STRN: variants seen among roughly 807,000 people sequenced by gnomAD.
STRN encodes protein phosphatase 2 regulatory subunit B'''alpha.
STRN carries 53 observed loss-of-function variants against 96.3 expected under a neutral mutation model. That is an observed-to-expected ratio of 0.55 (90% CI 0.44 to 0.69). STRN has a LOEUF of 0.69. STRN is among the 30% of genes least tolerant of loss of function. STRN has a pLI of 0.00. For synonymous variants in STRN, 428 were observed against 355.9 expected (o/e 1.20, Z -2.28); for missense variants, 987 against 963.9 (o/e 1.02, Z -0.32).
chr2:36,952,063 A>G (rs562973051), intron 1 of STRN, among the ~76,000 whole-genome samples: 1 of 152,382 alleles, frequency 6.6e-6, no homozygotes, highest in East Asian at 1.9e-4. Context: ...ACGCACACAC[A>G]CACACAATTG....
intron 3 of STRN, among the ~76,000 whole-genome samples, chr2:36,906,261 T>G (rs1157161488): frequency 6.6e-6 from 1 of 152,042 alleles, no homozygotes; most frequent in Non-Finnish European, 1.5e-5. Context: ...CCCAGGAGTT[T>G]GAGACCAGCC....
At position 36,847,933 on chromosome 2, in the gene STRN, G is replaced by A. The variant is rs1339702674; in HGVS notation, c.*1523C>T. Reference sequence around the variant, plus strand: ...TTAAAATCTAAGAGCCTATTTATATGTTTTTTGGTGGAAAGTTGGACGTTA... The same window carrying A: ...TTAAAATCTAAGAGCCTATTTATATATTTTTTGGTGGAAAGTTGGACGTTA... On this transcript the variant is annotated 3_prime_UTR_variant, in exon 18 of 18. Coordinates refer to ENST00000263918, the MANE Select transcript of STRN (RefSeq NM_003162.4). 1 of 152,138 alleles carries A rather than the reference G, an allele frequency of 6.6e-6. No individual in the cohort carries two copies. The highest frequency in any genetic ancestry group is 1.5e-5 in the Non-Finnish European group (1 of 68,016). 9.4% of individuals were successfully genotyped at this position (152,138 alleles called of 1,614,324 possible). A position where few individuals can be genotyped will look rare whatever the true frequency, so the allele number is the denominator to read the frequency against.
intron 2 of STRN, among the ~76,000 whole-genome samples, chr2:36,920,577 G>A (rs548025506): frequency 5.5e-4 from 83 of 151,186 alleles, no homozygotes; most frequent in African/African-American, 1.8e-3. Context: ...GGTGCAGGTT[G>A]CAGTGAGCTG....
intron 1 of STRN, among the ~76,000 whole-genome samples, chr2:36,963,808 T>G (rs974322695): frequency 3.3e-5 from 5 of 151,844 alleles, no homozygotes; most frequent in Non-Finnish European, 7.4e-5. Context: ...AATACAAAAA[T>G]AAGCCAGGCA....
intron 12 of STRN, among the ~76,000 whole-genome samples, chr2:36,866,581 C>T (rs2691110): frequency 0.85 from 129,046 of 152,154 alleles, 56,897 homozygotes; most frequent in Non-Finnish European, 0.96. Context: ...AAGTTCAGGT[C>T]CCGAATATTT....
chr2:36,880,532 A>C (rs1281333859), intron 9 of STRN, among the ~76,000 whole-genome samples: 1 of 152,246 alleles, frequency 6.6e-6, no homozygotes, highest in Non-Finnish European at 1.5e-5. Context: ...ATAAATTAAG[A>C]CATTATCAAA....
rs1667864635 is a variant in STRN, at chr2:36,838,201, C to G, written c.*11255G>C. 1.3e-5 allele frequency among the ~76,000 whole-genome samples: 2 copies of G among 152,158 alleles called. No homozygotes were observed. On this transcript the variant is annotated 3_prime_UTR_variant, in exon 18 of 18. Transcript: ENST00000263918. ...AGGTGGAAGGGACCACGTGCAAGGACCACGGAGCAACCTCTAAAGGATCAG... is the reference window on the plus strand; with the variant it reads ...AGGTGGAAGGGACCACGTGCAAGGAGCACGGAGCAACCTCTAAAGGATCAG...
At chr2:36,863,097 C>T (rs1404545596) in intron 12 of STRN, among the ~76,000 whole-genome samples, 2 of 152,048 alleles carry the variant, frequency 1.3e-5, no homozygotes, top group African/African-American at 4.8e-5. Flanking sequence ...TCATAGTTTG[C>T]AAATATTTTC....
At chr2:36,952,540 C>T (rs943182802) in intron 1 of STRN, among the ~76,000 whole-genome samples, 2 of 151,946 alleles carry the variant, frequency 1.3e-5, no homozygotes, top group East Asian at 3.9e-4. Flanking sequence ...ATTATTTAAC[C>T]TTTCTTCCCA....
At chr2:36,935,614 G>A (rs1388177438) in intron 1 of STRN, among the ~76,000 whole-genome samples, 1 of 152,162 alleles carries the variant, frequency 6.6e-6, no homozygotes, top group African/African-American at 2.4e-5. Flanking sequence ...CCTACTAAGT[G>A]CTTCCCACTT....
intron 11 of STRN, among the ~76,000 whole-genome samples, chr2:36,868,676 A>C (rs1317774421): frequency 6.6e-6 from 1 of 152,222 alleles, no homozygotes; most frequent in Non-Finnish European, 1.5e-5. Flanking sequence ...TCTGAAGCAG[A>C]CTGATAAATC....
intron 9 of STRN, among the ~76,000 whole-genome samples, chr2:36,878,899 C>T (rs1318349644): frequency 6.6e-6 from 1 of 151,038 alleles, no homozygotes. Flanking sequence ...ATTACAGGTG[C>T]GTGCCACCAC....
chr2:36,861,167 G>C lies in STRN; in HGVS notation c.1634C>G (p.Thr545Ser), dbSNP rs768417249. The change falls in exon 13 of 18, where the codon ACC becomes AGC. Residue 545 changes from threonine to serine, a missense_variant. Transcript: ENST00000263918. ...ATAGGGGTCGATGTTGGGATTAGTG[G>C]TATTCCAGCCCTGGATCAGTCCATC... Reference protein sequence around the residue: ...GTDGLIQGWNTTNPNIDPYDS... With the variant: ...GTDGLIQGWNSTNPNIDPYDS... 7.4e-6 allele frequency: 12 copies of C among 1,613,744 alleles called. No individual in the cohort carries two copies. The highest frequency in any genetic ancestry group is 9.3e-6 in the Non-Finnish European group (11 of 1,179,978).
chr2:36,845,542 C>T lies in STRN; in HGVS notation c.*3914G>A, dbSNP rs908433845. 5.3e-5 allele frequency: 8 copies of T among 151,900 alleles called. No individual in the cohort carries two copies. The highest frequency in any genetic ancestry group is 1.5e-5 in the Non-Finnish European group (1 of 67,932). 9.4% of individuals were successfully genotyped at this position (151,900 alleles called of 1,614,324 possible). On this transcript the variant is annotated 3_prime_UTR_variant, in exon 18 of 18. Transcript: ENST00000263918. ...AAATATTTACTAGTTGAATCTTTAC[C>T]ACATAAGAACTTCATGACATGCTGT...
chr2:36,867,040 G>A (rs1027518174), intron 12 of STRN, among the ~76,000 whole-genome samples: 1 of 152,178 alleles, frequency 6.6e-6, no homozygotes, highest in Non-Finnish European at 1.5e-5. Context: ...GGTTAACACT[G>A]ATATGTGCCC....
chr2:36,912,636 A>G (rs1224683118), intron 3 of STRN, among the ~76,000 whole-genome samples: 2 of 152,096 alleles, frequency 1.3e-5, no homozygotes, highest in African/African-American at 4.8e-5. Flanking sequence ...CTTACCTCAC[A>G]TACAGCTCCT....
At position 36,878,030 on chromosome 2, in the gene STRN, G is replaced by A. The variant is rs762640613; in HGVS notation, c.1187-3C>T. 1.2e-6 allele frequency: 2 copies of A among 1,613,550 alleles called. No individual in the cohort carries two copies. Among genetic ancestry groups the A allele is most frequent in the South Asian group, 1.1e-5 (1 of 90,930 alleles). On this transcript the variant is annotated splice_polypyrimidine_tract_variant and splice_region_variant and intron_variant, in intron 9 of 17. Transcript: ENST00000263918. ...AGGAGGAAATGTCAATGCTTCCACT[G>A]AAGAGGGAAGACAAAGGAAACATTA...
At chr2:36,943,016 G>T (rs1351629694) in intron 1 of STRN, among the ~76,000 whole-genome samples, 3 of 151,890 alleles carry the variant, frequency 2.0e-5, no homozygotes, top group Admixed American at 6.6e-5. Context: ...TTAATTAATA[G>T]AAATATATAT....
chr2:36,854,665 T>C lies in STRN; in HGVS notation c.1978+547A>G, dbSNP rs1374890167. Among the ~76,000 whole-genome samples, 3 of 152,190 alleles carry C rather than the reference T, an allele frequency of 2.0e-5. No homozygotes were observed. The East Asian group carries it at 5.8e-4, about 29-fold the overall frequency. On this transcript the variant is annotated intron_variant, in intron 15 of 17. Coordinates refer to ENST00000263918, the MANE Select transcript of STRN (RefSeq NM_003162.4). ...TCAACTGCAACCTAAACTGTGATTG[T>C]CTAGATTATGGCTAACGACAGAAAG...
Sources: allele counts gnomAD v4.1 joint callset (sites outside exome capture counted in the v4.1 genomes callset), GRCh38; gene constraint gnomAD v4.1.1; transcripts MANE v1.5; gene names NCBI Gene and HGNC (gene_info 2026-07-23, HGNC 2026-07-21).